CD99L2: variants seen among roughly 807,000 people sequenced by gnomAD.
The protein encoded by CD99L2 is CD99 antigen-like protein 2.
CD99L2 carries 24 observed loss-of-function variants against 27.3 expected under a neutral mutation model. The observed-to-expected ratio is 0.88, with a 90% CI of 0.64 to 1.24. The LOEUF (loss-of-function observed/expected upper bound fraction) is 1.24. CD99L2 is among the 50% of genes most tolerant of loss of function. The pLI, the probability that CD99L2 is intolerant of heterozygous loss-of-function variation, is 0.00. For synonymous variants in CD99L2, 97 were observed against 87.9 expected (o/e 1.10, Z -0.58); for missense variants, 255 against 221.6 (o/e 1.15, Z -0.96).
intron 2 of CD99L2, among the ~76,000 whole-genome samples, chrX:150,824,671 AGAG>A (rs1557420869): frequency 2.2e-5 from 2 of 89,659 alleles, no homozygotes; most frequent in African/African-American, 4.2e-5. Flanking sequence ...AAGAAGAGGA[AGAG>A]GAAGAAGAAG....
At chrX:150,800,369 T>C (rs1557420049) in intron 4 of CD99L2, among the ~76,000 whole-genome samples, 1 of 111,496 alleles carries the variant, frequency 9.0e-6, no homozygotes, top group Non-Finnish European at 1.9e-5. Flanking sequence ...ACATCCAGAA[T>C]CATGTGTTTG....
intron 1 of CD99L2, among the ~76,000 whole-genome samples, chrX:150,862,288 C>CAGATGTGA (rs782643762): frequency 2.6e-3 from 289 of 111,595 alleles, no homozygotes; most frequent in African/African-American, 8.4e-3. Context: ...AAGTGACTGC[C>CAGATGTGA]AGATGTGATT....
At chrX:150,897,013 A>C in intron 1 of CD99L2, among the ~76,000 whole-genome samples, 1 of 112,563 alleles carries the variant, frequency 8.9e-6, no homozygotes, top group East Asian at 2.8e-4. Context: ...ACCATGTTGA[A>C]GACTTTCAGA....
rs782477599 is a variant in CD99L2, at chrX:150,822,747, T to C, written c.131-6669A>G. 7.1e-5 allele frequency among the ~76,000 whole-genome samples: 8 copies of C among 112,676 alleles called. No homozygotes were observed. The East Asian group carries it at 1.9e-3, about 27-fold the overall frequency. On this transcript the variant is annotated intron_variant, in intron 2 of 10. Coordinates refer to ENST00000370377, the MANE Select transcript of CD99L2 (RefSeq NM_031462.4). ...ATGTGTCTCATAATATCATGTTATA[T>C]ACCTCAAATATACACAATAAATTTT...
intron 4 of CD99L2, among the ~76,000 whole-genome samples, chrX:150,797,709 G>C (rs1398318858): frequency 9.0e-6 from 1 of 111,663 alleles, no homozygotes; most frequent in Non-Finnish European, 1.9e-5. Context: ...GTGTGGTACT[G>C]ACATCAAGAA....
intron 1 of CD99L2, among the ~76,000 whole-genome samples, chrX:150,889,024 A>G (rs2047458427): frequency 8.9e-6 from 1 of 112,922 alleles, no homozygotes; most frequent in Non-Finnish European, 1.9e-5. Flanking sequence ...ACGGCCTTCA[A>G]CCTGGGAGAA....
chrX:150,881,921 G>A (rs1263422110), intron 1 of CD99L2, among the ~76,000 whole-genome samples: 1 of 108,271 alleles, frequency 9.2e-6, no homozygotes, highest in Non-Finnish European at 1.9e-5. Flanking sequence ...GGGTTCAAGC[G>A]ATTCTCCTGC....
chrX:150,892,657 C>CTGGAAGGT (rs2047537521), intron 1 of CD99L2, among the ~76,000 whole-genome samples: 1 of 102,720 alleles, frequency 9.7e-6, no homozygotes, highest in Admixed American at 1.1e-4. Flanking sequence ...GTCGACGTAT[C>CTGGAAGGT]TGGAAGGTAT....
At position 150,846,056 on chromosome X, in the gene CD99L2, G is replaced by A. The variant is rs571780456; in HGVS notation, c.68-14763C>T. Among the ~76,000 whole-genome samples, 4 of 111,858 alleles carry A rather than the reference G, an allele frequency of 3.6e-5. No homozygotes were observed. The South Asian group carries it at 1.5e-3, about 42-fold the overall frequency. On this transcript the variant is annotated intron_variant, in intron 1 of 10. Transcript: ENST00000370377. ...AAATACAAAAAATGAGCCAGGCATGGTGGCATATGCCCGTAATCCCAGCTA... is the reference window on the plus strand; with the variant it reads ...AAATACAAAAAATGAGCCAGGCATGATGGCATATGCCCGTAATCCCAGCTA...
chrX:150,879,199 G>C (rs1196180620), intron 1 of CD99L2, among the ~76,000 whole-genome samples: 4 of 111,949 alleles, frequency 3.6e-5, no homozygotes, highest in African/African-American at 1.3e-4. Flanking sequence ...ACTCCAGTTT[G>C]ACTGAGAATT....
intron 1 of CD99L2, among the ~76,000 whole-genome samples, chrX:150,866,212 G>A (rs1569566117): frequency 9.0e-6 from 1 of 111,404 alleles, no homozygotes; most frequent in Non-Finnish European, 1.9e-5. Flanking sequence ...CTGTGCTCTT[G>A]GAATTCTTGA....
At position 150,769,119 on chromosome X, in the gene CD99L2, C is replaced by A. The variant is rs111280426; in HGVS notation, c.722-18G>T. On this transcript the variant is annotated intron_variant, in intron 10 of 10. Coordinates refer to ENST00000370377, the MANE Select transcript of CD99L2 (RefSeq NM_031462.4). ...GTATTTCACTAGGGGAAAAAGAGGC[C>A]GTCAGAAGGAATTCTGCTCTGTCTT... is the stretch of plus-strand genomic sequence containing the variant. The A allele has an allele frequency of 8.6e-7, 1 of 1,160,160 alleles. No homozygotes were observed. The highest frequency in any genetic ancestry group is 1.8e-5 in the African/African-American group (1 of 54,181).
intron 7 of CD99L2, among the ~76,000 whole-genome samples, chrX:150,789,690 C>T (rs1432575126): frequency 9.0e-6 from 1 of 111,249 alleles, no homozygotes; most frequent in East Asian, 2.8e-4. Flanking sequence ...CTCGAGACCA[C>T]CCTGGGCAAC....
Position 150,814,927 on chromosome X carries a change from A to C in CD99L2, c.212T>G (p.Leu71Trp). Reference protein sequence around the residue: ...RAPAKPPGSGLDLADALDDQD... With the variant: ...RAPAKPPGSGWDLADALDDQD... ...ATCATCCAAAGCATCAGCCAAGTCC[A>C]ATCCACTACCTTCAGTGGGCCCCAA... The change falls in exon 4 of 11, where the codon TTG (leucine) becomes TGG (tryptophan). Residue 71 changes from leucine (L) to tryptophan (W), a missense_variant. Physicochemically the swap from Leu to Trp is moderately conservative, Grantham distance 61. Coordinates refer to ENST00000370377, the MANE Select transcript of CD99L2 (RefSeq NM_031462.4). 1 of 1,211,433 alleles carries C rather than the reference A, an allele frequency of 8.3e-7. No homozygotes were observed. The highest frequency in any genetic ancestry group is 1.1e-6 in the Non-Finnish European group (1 of 895,205).
intron 1 of CD99L2, among the ~76,000 whole-genome samples, chrX:150,854,210 G>A (rs1557421673): frequency 9.0e-6 from 1 of 111,255 alleles, no homozygotes; most frequent in Non-Finnish European, 1.9e-5. Flanking sequence ...CGCTCTACTC[G>A]TAAAACAAGC....
intron 2 of CD99L2, among the ~76,000 whole-genome samples, chrX:150,827,727 C>T (rs1186316965): frequency 5.4e-5 from 6 of 111,556 alleles, no homozygotes; most frequent in Non-Finnish European, 1.1e-4. Context: ...ATGCCCAAAC[C>T]GCTCACCTCA....
intron 4 of CD99L2, among the ~76,000 whole-genome samples, chrX:150,812,214 C>T (rs1557420371): frequency 9.0e-6 from 1 of 111,675 alleles, no homozygotes; most frequent in African/African-American, 3.2e-5. Flanking sequence ...ACAAACTGAA[C>T]ATCATCAAAA....
At chrX:150,823,725 A>G (rs1341654415) in intron 2 of CD99L2, among the ~76,000 whole-genome samples, 3 of 111,840 alleles carry the variant, frequency 2.7e-5, no homozygotes, top group East Asian at 5.6e-4. Flanking sequence ...AAGGTGGCAC[A>G]GGACATCAAA....
intron 7 of CD99L2, 57 bp downstream of exon 7, chrX:150,793,634 C>A: frequency 1.0e-6 from 1 of 999,688 alleles, no homozygotes; most frequent in Non-Finnish European, 1.4e-6. Context: ...CTGGTTGCTG[C>A]ATAATCACCT....
Sources: allele counts gnomAD v4.1 joint callset (sites outside exome capture counted in the v4.1 genomes callset), GRCh38; gene constraint gnomAD v4.1.1; transcripts MANE v1.5; gene names NCBI Gene and HGNC (gene_info 2026-07-23, HGNC 2026-07-21).